The following SCAPER variants were observed in gnomAD, a reference collection of about 807,000 sequenced individuals.
SCAPER encodes the protein S phase cyclin A-associated protein in the endoplasmic reticulum.
SCAPER carries 98 observed loss-of-function variants against 182.2 expected under a neutral mutation model. The observed-to-expected ratio is 0.54, with a 90% CI of 0.46 to 0.64. The LOEUF (loss-of-function observed/expected upper bound fraction) is 0.64. Ranked by LOEUF, SCAPER falls within the 30% of genes least tolerant of loss-of-function variation. The pLI, the probability that SCAPER is intolerant of heterozygous loss-of-function variation, is 0.00. For synonymous variants in SCAPER, 605 were observed against 564.6 expected (o/e 1.07, Z -1.01); for missense variants, 1,432 against 1,690.0 (o/e 0.85, Z 2.68).
chr15:76,743,051 G>C (rs945942334), intron 15 of SCAPER, among the ~76,000 whole-genome samples: 1 of 151,944 alleles, frequency 6.6e-6, no homozygotes, highest in Non-Finnish European at 1.5e-5. Context: ...TTGACATGTA[G>C]GTAAAATTAT....
At chr15:76,569,548 C>T (rs74024149) in intron 23 of SCAPER, among the ~76,000 whole-genome samples, 374 of 152,152 alleles carry the variant, frequency 2.5e-3, no homozygotes, top group African/African-American at 8.5e-3. Flanking sequence ...TTTTTATTTA[C>T]CCTGCTTGGG....
At chr15:76,698,319 A>G (rs1180397957) in intron 20 of SCAPER, among the ~76,000 whole-genome samples, 1 of 152,194 alleles carries the variant, frequency 6.6e-6, no homozygotes, top group African/African-American at 2.4e-5. Flanking sequence ...CTCAATGGAC[A>G]TTTATAAATA....
At chr15:76,710,837 C>A (rs1030131240) in intron 17 of SCAPER, among the ~76,000 whole-genome samples, 1 of 151,960 alleles carries the variant, frequency 6.6e-6, no homozygotes, top group Non-Finnish European at 1.5e-5. Flanking sequence ...TCAAAATATG[C>A]TATAAAACTA....
intron 25 of SCAPER, among the ~76,000 whole-genome samples, chr15:76,447,754 A>C (rs2048099368): frequency 6.6e-6 from 1 of 152,190 alleles, no homozygotes; most frequent in Non-Finnish European, 1.5e-5. Flanking sequence ...TTCATTGAAC[A>C]TTTTTTGAAT....
At chr15:76,658,903 T>C (rs1480085760) in intron 21 of SCAPER, among the ~76,000 whole-genome samples, 2 of 152,146 alleles carry the variant, frequency 1.3e-5, no homozygotes, top group African/African-American at 4.8e-5. Flanking sequence ...ATTTACACCA[T>C]TTACAATAAT....
At chr15:76,425,264 A>G (rs2046342693) in intron 26 of SCAPER, among the ~76,000 whole-genome samples, 1 of 152,198 alleles carries the variant, frequency 6.6e-6, no homozygotes, top group South Asian at 2.1e-4. Flanking sequence ...AATCAGACGC[A>G]GATTTGGTCT....
intron 23 of SCAPER, among the ~76,000 whole-genome samples, chr15:76,530,248 A>G (rs971896238): frequency 6.6e-6 from 1 of 152,218 alleles, no homozygotes; most frequent in Non-Finnish European, 1.5e-5. Context: ...CAGGCAGAAT[A>G]TATCACAATA....
Position 76,844,942 on chromosome 15 carries a change from A to G in SCAPER, c.196-3011T>C, listed in dbSNP as rs115652555. Among the ~76,000 whole-genome samples the G allele has an allele frequency of 5.4e-3, 826 of 152,296 alleles. 7 individuals carry two copies. Among genetic ancestry groups the G allele is most frequent in the African/African-American group, 0.019 (799 of 41,576 alleles). Reference sequence around the variant, plus strand: ...AAAATACAGGCCACTATCTTTGATGAACATTGACGCAAAAATCTTCAACAA... The same window carrying G: ...AAAATACAGGCCACTATCTTTGATGGACATTGACGCAAAAATCTTCAACAA... On this transcript the variant is annotated intron_variant, in intron 4 of 31. Coordinates refer to ENST00000563290, the MANE Select transcript of SCAPER (RefSeq NM_020843.4).
At chr15:76,776,250 G>A (rs1056252587) in intron 8 of SCAPER, among the ~76,000 whole-genome samples, 1 of 152,044 alleles carries the variant, frequency 6.6e-6, no homozygotes, top group Non-Finnish European at 1.5e-5. Flanking sequence ...CCAAGACAAA[G>A]CACAGAAAAA....
chr15:76,735,229 C>G (rs1329324757), intron 15 of SCAPER, among the ~76,000 whole-genome samples: 1 of 151,702 alleles, frequency 6.6e-6, no homozygotes, highest in Non-Finnish European at 1.5e-5. Flanking sequence ...TATATTTAGC[C>G]AGGTGTGGTG....
intron 24 of SCAPER, among the ~76,000 whole-genome samples, chr15:76,483,076 A>T (rs895060794): frequency 6.6e-6 from 1 of 152,066 alleles, no homozygotes; most frequent in African/African-American, 2.4e-5. Context: ...TGGAAGACTG[A>T]CTCTATGTGG....
chr15:76,804,458 AG>A (rs2066000672), intron 6 of SCAPER, 74 bp downstream of exon 6: 2 of 940,936 alleles, frequency 2.1e-6, no homozygotes, highest in Non-Finnish European at 3.2e-6. Flanking sequence ...TATGAGGTTA[AG>A]TTTATTGTCC....
At chr15:76,772,386 T>C (rs1012054899) in intron 9 of SCAPER, among the ~76,000 whole-genome samples, 2 of 152,002 alleles carry the variant, frequency 1.3e-5, no homozygotes, top group African/African-American at 4.8e-5. Flanking sequence ...TCAGTACTTT[T>C]GAAAAAATCC....
intron 23 of SCAPER, among the ~76,000 whole-genome samples, chr15:76,536,166 A>G (rs1175775133): frequency 6.6e-6 from 1 of 152,188 alleles, no homozygotes; most frequent in African/African-American, 2.4e-5. Flanking sequence ...TGAATATCTC[A>G]TGTATGCAAT....
At chr15:76,555,554 C>A (rs2046130422) in intron 23 of SCAPER, among the ~76,000 whole-genome samples, 1 of 152,058 alleles carries the variant, frequency 6.6e-6, no homozygotes, top group South Asian at 2.1e-4. Context: ...ACCAACCAAG[C>A]AAACAGAAAA....
intron 2 of SCAPER, among the ~76,000 whole-genome samples, chr15:76,863,227 A>G (rs930392606): frequency 2.3e-4 from 35 of 152,198 alleles, no homozygotes; most frequent in African/African-American, 8.4e-4. Context: ...TGTCATATCA[A>G]AATAGTCTGT....
chr15:76,687,074 C>T (rs2058074152), intron 20 of SCAPER, among the ~76,000 whole-genome samples: 1 of 151,924 alleles, frequency 6.6e-6, no homozygotes, highest in Admixed American at 6.6e-5. Context: ...AAAGTTATGA[C>T]TGTGATGATA....
intron 17 of SCAPER, among the ~76,000 whole-genome samples, chr15:76,719,233 C>T (rs2060060915): frequency 1.3e-5 from 2 of 152,064 alleles, no homozygotes; most frequent in Non-Finnish European, 2.9e-5. Context: ...TTGTCATTTG[C>T]CACAATATGG....
intron 28 of SCAPER, among the ~76,000 whole-genome samples, chr15:76,378,864 C>T (rs1214391802): frequency 6.6e-6 from 1 of 152,154 alleles, no homozygotes; most frequent in African/African-American, 2.4e-5. Flanking sequence ...GATGCTCTGG[C>T]CACCAGTCCT....
Sources: gnomAD v4.1 joint callset for allele counts (sites outside exome capture counted in the v4.1 genomes callset) on GRCh38, gnomAD v4.1.1 for gene constraint, MANE v1.5 for transcripts, NCBI Gene and HGNC (gene_info 2026-07-23, HGNC 2026-07-21) for gene names.